Variants in PAFAH1B2 observed in about 807,000 individuals in gnomAD.
The protein encoded by PAFAH1B2 is platelet activating factor acetylhydrolase 1b catalytic subunit 2.
In PAFAH1B2, 8 loss-of-function variants were observed where a neutral mutation model predicts 28.0. The observed-to-expected ratio is 0.29, with a 90% CI of 0.17 to 0.52. The LOEUF (loss-of-function observed/expected upper bound fraction) is 0.52, where lower values mean the gene tolerates loss of function less well. Ranked by LOEUF, PAFAH1B2 falls within the 20% of genes least tolerant of loss-of-function variation. PAFAH1B2 has a pLI of 0.97. For synonymous variants in PAFAH1B2, 104 were observed against 103.2 expected (o/e 1.01, Z -0.05); for missense variants, 190 against 282.6 (o/e 0.67, Z 2.35).
chr11:117,168,675 T>G lies in PAFAH1B2; in HGVS notation c.*976T>G, dbSNP rs898394411. 1 of 1,063,086 alleles carries G rather than the reference T, an allele frequency of 9.4e-7. No individual in the cohort carries two copies. 65.9% of individuals were successfully genotyped at this position (1,063,086 alleles called of 1,614,324 possible). A position where few individuals can be genotyped will look rare whatever the true frequency, so the allele number is the denominator to read the frequency against. ...TTTCCCTTAAAACCTGTTAACAGTT[T>G]TTTTTGGGGGTGGGGGGATTCAGAA... On this transcript the variant is annotated 3_prime_UTR_variant, in exon 6 of 6. Coordinates refer to ENST00000527958, the MANE Select transcript of PAFAH1B2 (RefSeq NM_002572.4).
At chr11:117,175,010 G>C, downstream of PAFAH1B2, 1 of 1,431,904 alleles carries the variant, frequency 7.0e-7, no homozygotes, top group Non-Finnish European at 9.2e-7. Context: ...ACTTAAAATG[G>C]AGCTGGACTC....
intron 1 of PAFAH1B2, among the ~76,000 whole-genome samples, chr11:117,145,265 C>T (rs1403131507): frequency 6.6e-6 from 1 of 152,120 alleles, no homozygotes; most frequent in Non-Finnish European, 1.5e-5. Context: ...CGTGGTGACT[C>T]ATGCTTCTGC....
At chr11:117,171,790 TTC>T (rs570868357), downstream of PAFAH1B2, 4 of 1,446,904 alleles carry the variant, frequency 2.8e-6, no homozygotes, top group South Asian at 2.4e-5. Flanking sequence ...AGCTAAAAGT[TTC>T]TGTGATCTTT....
chr11:117,161,195 G>T lies in PAFAH1B2; in HGVS notation c.222G>T (p.Gly74=). 1 of 1,596,916 alleles carries T rather than the reference G, an allele frequency of 6.3e-7. No individual in the cohort carries two copies. Among genetic ancestry groups the T allele is most frequent in the Non-Finnish European group, 8.5e-7 (1 of 1,176,124 alleles). ...SPLHALNFGI[G]GDTTRHVLWR... is the part of the protein sequence containing the mutation. Reference sequence around the variant, plus strand: ...TTCATGCACTGAATTTTGGAATTGGGGGAGATACAACAAGACATGTTTTGT... The same window carrying T: ...TTCATGCACTGAATTTTGGAATTGGTGGAGATACAACAAGACATGTTTTGT... The change falls in exon 4 of 6, where the codon GGG becomes GGT. Residue 74 remains glycine, a synonymous_variant. Coordinates refer to ENST00000527958, the MANE Select transcript of PAFAH1B2 (RefSeq NM_002572.4).
At chr11:117,165,260 G>T (rs1011768746) in intron 5 of PAFAH1B2, among the ~76,000 whole-genome samples, 4 of 149,222 alleles carry the variant, frequency 2.7e-5, no homozygotes, top group African/African-American at 9.8e-5. Context: ...CTGAAGCAGA[G>T]AATTTCTTAA....
At chr11:117,172,329 T>A (rs1956666051), downstream of PAFAH1B2, among the ~76,000 whole-genome samples, 1 of 143,944 alleles carries the variant, frequency 6.9e-6, no homozygotes, top group Non-Finnish European at 1.5e-5. Flanking sequence ...TTTTGCCTAC[T>A]TGCTGGTTCA....
intron 1 of PAFAH1B2, among the ~76,000 whole-genome samples, chr11:117,152,063 G>A (rs1278119003): frequency 6.6e-6 from 1 of 152,178 alleles, no homozygotes; most frequent in Non-Finnish European, 1.5e-5. Context: ...CAGCTGAAAA[G>A]CCTCTGATGT....
chr11:117,172,086 A>G (rs1275664809), downstream of PAFAH1B2, among the ~76,000 whole-genome samples: 4 of 152,116 alleles, frequency 2.6e-5, no homozygotes, highest in Admixed American at 6.5e-5. Flanking sequence ...TAAATGGCCC[A>G]GAACAAGTGG....
chr11:117,156,793 T>C (rs138834190), intron 2 of PAFAH1B2, among the ~76,000 whole-genome samples: 34 of 152,092 alleles, frequency 2.2e-4, no homozygotes, highest in African/African-American at 8.0e-4. Context: ...GAGGCAGAGG[T>C]GAGTGGATCG....
At chr11:117,166,743 T>G (rs970722774) in intron 5 of PAFAH1B2, among the ~76,000 whole-genome samples, 1 of 152,180 alleles carries the variant, frequency 6.6e-6, no homozygotes, top group African/African-American at 2.4e-5. Flanking sequence ...CATAGTATAT[T>G]ATGGTGTGGG....
At chr11:117,158,538 G>T (rs764909809) in intron 2 of PAFAH1B2, among the ~76,000 whole-genome samples, 17 of 151,378 alleles carry the variant, frequency 1.1e-4, no homozygotes, top group African/African-American at 4.1e-4. Context: ...TTGGATCATA[G>T]TTGAGAAAAT....
At chr11:117,177,376 T>C (rs1256327416), downstream of PAFAH1B2, among the ~76,000 whole-genome samples, 2 of 152,236 alleles carry the variant, frequency 1.3e-5, no homozygotes, top group African/African-American at 4.8e-5. Context: ...TGATATACAA[T>C]ATGTGTTATT....
chr11:117,148,038 CTTTTTTCTTTT>C (rs565022952), intron 1 of PAFAH1B2, among the ~76,000 whole-genome samples: 2,101 of 147,806 alleles, frequency 0.014, 13 homozygotes, highest in African/African-American at 0.024. Flanking sequence ...TAGAATTTAT[CTTTTTTCTTTT>C]TTTTTTCTTT....
At chr11:117,151,439 C>T (rs538194716) in intron 1 of PAFAH1B2, among the ~76,000 whole-genome samples, 1 of 152,058 alleles carries the variant, frequency 6.6e-6, no homozygotes, top group Admixed American at 6.6e-5. Flanking sequence ...CTATGTTGGC[C>T]AGGATGGTCT....
Position 117,152,533 on chromosome 11 carries a change from A to C in PAFAH1B2, c.81+5A>C, listed in dbSNP as rs1416375463. 2 of 1,587,586 alleles carry C rather than the reference A, an allele frequency of 1.3e-6. No homozygotes were observed. The highest frequency in any genetic ancestry group is 2.7e-5 in the African/African-American group (2 of 74,358). On this transcript the variant is annotated splice_donor_5th_base_variant and intron_variant, in intron 2 of 5. Coordinates refer to ENST00000527958, the MANE Select transcript of PAFAH1B2 (RefSeq NM_002572.4). ...GATGACCGATGGATGTCTCAGGTAA[A>C]AGGAAGTGCATGTGTATCATTCACA...
chr11:117,165,570 G>C (rs1956487780), intron 5 of PAFAH1B2, among the ~76,000 whole-genome samples: 1 of 152,210 alleles, frequency 6.6e-6, no homozygotes, highest in East Asian at 1.9e-4. Context: ...TCACAGTCTA[G>C]TGTATGGAGA....
rs1191713915 is a variant in PAFAH1B2, at chr11:117,169,623, G to T, written c.*1924G>T. On this transcript the variant is annotated 3_prime_UTR_variant, in exon 6 of 6. Coordinates refer to ENST00000527958, the MANE Select transcript of PAFAH1B2 (RefSeq NM_002572.4). ...CTTTTTAAAAAATACATACTTTTTT[G>T]AATGTATCATGTCTTCATTAACAAC... 2.9e-6 allele frequency: 3 copies of T among 1,050,092 alleles called. No individual in the cohort carries two copies. Among genetic ancestry groups the T allele is most frequent in the Non-Finnish European group, 3.5e-6 (3 of 868,818 alleles). The allele number at this position is 1,050,092 out of a possible 1,614,324, so 65.0% of individuals were successfully genotyped here.
In PAFAH1B2 at chr11:117,167,781, A is replaced by G. The variant is rs1231272911; in HGVS notation, c.*82A>G. 5.1e-6 allele frequency: 7 copies of G among 1,373,468 alleles called. No individual in the cohort carries two copies. Among genetic ancestry groups the G allele is most frequent in the Non-Finnish European group, 3.8e-6 (4 of 1,056,248 alleles). 85.1% of individuals were successfully genotyped at this position (1,373,468 alleles called of 1,614,324 possible). ...GCACTACAGAATCCTTCTCTTTCTTAAGGCACTTTGCATTGTAGAATGTTC... is the reference window on the plus strand; with the variant it reads ...GCACTACAGAATCCTTCTCTTTCTTGAGGCACTTTGCATTGTAGAATGTTC... On this transcript the variant is annotated 3_prime_UTR_variant, in exon 6 of 6. Transcript: ENST00000527958.
In PAFAH1B2 at chr11:117,169,003, C is replaced by T. The variant is rs1956584417; in HGVS notation, c.*1304C>T. ...ACGGGATTTCGCCATGTTAACCAGG[C>T]TGGTCTCGAACTCCTGACCTCAGGT... On this transcript the variant is annotated 3_prime_UTR_variant, in exon 6 of 6. Coordinates refer to ENST00000527958, the MANE Select transcript of PAFAH1B2 (RefSeq NM_002572.4). 4.9e-6 allele frequency: 2 copies of T among 410,406 alleles called. No individual in the cohort carries two copies. The highest frequency in any genetic ancestry group is 2.1e-5 in the African/African-American group (1 of 46,690). The allele number at this position is 410,406 out of a possible 1,614,324, so 25.4% of individuals were successfully genotyped here. A position where few individuals can be genotyped will look rare whatever the true frequency, so the allele number is the denominator to read the frequency against.
Sources: gnomAD v4.1 joint callset for allele counts (sites outside exome capture counted in the v4.1 genomes callset) on GRCh38, gnomAD v4.1.1 for gene constraint, MANE v1.5 for transcripts, NCBI Gene and HGNC (gene_info 2026-07-23, HGNC 2026-07-21) for gene names.